LRIG1: variants seen among roughly 807,000 people sequenced by gnomAD.
The protein encoded by LRIG1 is leucine-rich repeats and immunoglobulin-like domains protein 1.
A neutral mutation model predicts 99.2 loss-of-function variants in LRIG1; 48 were observed. The ratio of observed to expected loss-of-function variants is 0.48; its 90% CI spans 0.38 to 0.62. LRIG1 has a LOEUF of 0.62. LRIG1 is among the 20% of genes least tolerant of loss of function. The pLI, the probability that LRIG1 is intolerant of heterozygous loss-of-function variation, is 0.00. For synonymous variants in LRIG1, 772 were observed against 596.1 expected (o/e 1.29, Z -4.30); for missense variants, 1,646 against 1,434.4 (o/e 1.15, Z -2.38).
At chr3:66,456,300 G>A (rs1488482397) in intron 2 of LRIG1, among the ~76,000 whole-genome samples, 1 of 152,172 alleles carries the variant, frequency 6.6e-6, no homozygotes, top group Non-Finnish European at 1.5e-5. Context: ...GATGGCAGGA[G>A]GACCAGGCAT....
chr3:66,472,065 G>A (rs936013153), intron 1 of LRIG1, among the ~76,000 whole-genome samples: 2 of 152,086 alleles, frequency 1.3e-5, no homozygotes. Context: ...AGCACTTTGG[G>A]AGGCCAAGGC....
intron 1 of LRIG1, among the ~76,000 whole-genome samples, chr3:66,473,609 C>T (rs1181014534): frequency 6.6e-6 from 1 of 152,232 alleles, no homozygotes; most frequent in Non-Finnish European, 1.5e-5. Flanking sequence ...TTCTCAGCTG[C>T]CTCAAAACAA....
At chr3:66,394,659 T>C (rs1052030195) in intron 11 of LRIG1, among the ~76,000 whole-genome samples, 2 of 152,102 alleles carry the variant, frequency 1.3e-5, no homozygotes, top group Non-Finnish European at 2.9e-5. Flanking sequence ...CCTGATAAAC[T>C]ACTTGGAGCT....
chr3:66,393,335 CA>C (rs994635938), intron 12 of LRIG1, among the ~76,000 whole-genome samples: 2 of 152,178 alleles, frequency 1.3e-5, no homozygotes, highest in Non-Finnish European at 2.9e-5. Context: ...TTAGAGCAAG[CA>C]AACAGGAAAA....
chr3:66,454,556 T>C (rs1049917059), intron 2 of LRIG1, among the ~76,000 whole-genome samples: 8 of 152,178 alleles, frequency 5.3e-5, no homozygotes, highest in Admixed American at 2.0e-4. Flanking sequence ...TTTACTTCCA[T>C]CCAAGGCCCT....
At chr3:66,455,040 G>A (rs911608712) in intron 2 of LRIG1, among the ~76,000 whole-genome samples, 7 of 152,176 alleles carry the variant, frequency 4.6e-5, no homozygotes, top group Admixed American at 4.6e-4. Flanking sequence ...TGCCTCCTGG[G>A]TTCAAGCGAT....
chr3:66,426,202 G>A (rs936635747), intron 3 of LRIG1, among the ~76,000 whole-genome samples: 5 of 152,186 alleles, frequency 3.3e-5, no homozygotes, highest in Admixed American at 2.0e-4. Flanking sequence ...GGGCCAGATG[G>A]TAAATTTTTA....
intron 3 of LRIG1, among the ~76,000 whole-genome samples, chr3:66,417,784 CAAAAAG>C (rs1414362175): frequency 7.7e-6 from 1 of 130,340 alleles, no homozygotes; most frequent in Non-Finnish European, 1.7e-5. Context: ...AGGATTTAAA[CAAAAAG>C]AAAAAGAAAA....
rs1271016283 is a variant in LRIG1 at position 66,409,855 on chromosome 3, C to G, written c.935+274G>C. On this transcript the variant is annotated intron_variant, in intron 7 of 18. Coordinates refer to ENST00000273261, the MANE Select transcript of LRIG1 (RefSeq NM_015541.3). ...GAACTGTCTCCAAACCCAACAGGAC[C>G]TTGGGGGCCAAGGCTCCCTGCAGGG... is the stretch of plus-strand genomic sequence containing the variant. 7 of 347,540 alleles carry G rather than the reference C, an allele frequency of 2.0e-5. No homozygotes were observed. In the East Asian group the frequency reaches 3.5e-4, roughly 17 times the overall value. The allele number at this position is 347,540 out of a possible 1,614,324, so 21.5% of individuals were successfully genotyped here. A position where few individuals can be genotyped will look rare whatever the true frequency, so the allele number is the denominator to read the frequency against.
In LRIG1 at chr3:66,394,148, A is replaced by T; in HGVS notation, c.1360T>A (p.Trp454Arg). The change falls in exon 12 of 19, where the codon TGG (tryptophan) becomes AGG (arginine). Residue 454 changes from tryptophan (W) to arginine (R), a missense_variant. Transcript: ENST00000273261. The part of the protein sequence containing the change: ...CDCQLKWLPP[W>R]LIGRMLQAFV... ...GCCTGCAGCATCCTGCCAATTAGCC[A>T]CGGGGGCAGCCACTTCAGCTGGCAG... The T allele has an allele frequency of 6.2e-7, 1 of 1,611,558 alleles. No homozygotes were observed. Among genetic ancestry groups the T allele is most frequent in the Non-Finnish European group, 8.5e-7 (1 of 1,179,052 alleles).
At chr3:66,414,226 T>C (rs1702552231) in intron 5 of LRIG1, among the ~76,000 whole-genome samples, 1 of 151,926 alleles carries the variant, frequency 6.6e-6, no homozygotes, top group African/African-American at 2.4e-5. Context: ...TGAAACCCCA[T>C]CTCTACTAAA....
intron 9 of LRIG1, among the ~76,000 whole-genome samples, chr3:66,400,284 G>C (rs1268547692): frequency 6.6e-6 from 1 of 152,202 alleles, no homozygotes; most frequent in Non-Finnish European, 1.5e-5. Flanking sequence ...GTGGACACTG[G>C]GAATGAAGAG....
rs773702538 is a variant in LRIG1 at position 66,382,391 on chromosome 3, G to T, written c.2499C>A (p.Thr833=). Residue 833 remains threonine, a synonymous_variant, in exon 16 of 19, where the codon ACC becomes ACA. Coordinates refer to ENST00000273261, the MANE Select transcript of LRIG1 (RefSeq NM_015541.3). ...AGCTTGGAACATCTGGTGGCACGAC[G>T]GTTTCATCTGCAAGGAGACAGAACA... The part of the protein sequence containing the change: ...EEYSVTNTDE[T]VVPPDVPSYL... 3 of 1,614,082 alleles carry T rather than the reference G, an allele frequency of 1.9e-6. No homozygotes were observed. The African/African-American group carries it at 4.0e-5, about 22-fold the overall frequency.
chr3:66,490,931 C>CA (rs1188652145), intron 1 of LRIG1, among the ~76,000 whole-genome samples: 1 of 152,170 alleles, frequency 6.6e-6, no homozygotes, highest in Non-Finnish European at 1.5e-5. Flanking sequence ...CTGCAGCTAG[C>CA]AAAAAATCCA....
intron 1 of LRIG1, among the ~76,000 whole-genome samples, chr3:66,475,864 G>T (rs1045239215): frequency 6.6e-6 from 1 of 152,096 alleles, no homozygotes; most frequent in Admixed American, 6.5e-5. Context: ...TTTATCTAAG[G>T]CCTGGGTATT....
chr3:66,407,085 T>C lies in LRIG1; in HGVS notation c.1079+263A>G, dbSNP rs566746848. Among the ~76,000 whole-genome samples the C allele has an allele frequency of 2.8e-4, 43 of 152,270 alleles. 1 individual carries two copies. The highest frequency in any genetic ancestry group is 9.6e-4 in the African/African-American group (40 of 41,554). ...CATCCTGTCCAGCACAACGTGGGCA[T>C]CACTGCTTGAGAACAACTACTTTTT... On this transcript the variant is annotated intron_variant, in intron 8 of 18. Coordinates refer to ENST00000273261, the MANE Select transcript of LRIG1 (RefSeq NM_015541.3).
intron 3 of LRIG1, among the ~76,000 whole-genome samples, chr3:66,450,170 A>G (rs1238093272): frequency 6.6e-6 from 1 of 152,196 alleles, no homozygotes; most frequent in Non-Finnish European, 1.5e-5. Flanking sequence ...TTTACCCATC[A>G]AGGGAACAAA....
At chr3:66,445,702 A>G (rs1036045849) in intron 3 of LRIG1, among the ~76,000 whole-genome samples, 3 of 152,244 alleles carry the variant, frequency 2.0e-5, no homozygotes, top group African/African-American at 7.2e-5. Context: ...TATGCCAGTG[A>G]AGGATGCCTT....
chr3:66,423,708 G>T (rs962770677), intron 3 of LRIG1, among the ~76,000 whole-genome samples: 3 of 152,182 alleles, frequency 2.0e-5, no homozygotes, highest in African/African-American at 7.2e-5. Flanking sequence ...TCCTGCTGTG[G>T]AACATGGCAC....
Sources: allele counts gnomAD v4.1 joint callset (sites outside exome capture counted in the v4.1 genomes callset), GRCh38; gene constraint gnomAD v4.1.1; transcripts MANE v1.5; gene names NCBI Gene and HGNC (gene_info 2026-07-23, HGNC 2026-07-21).